Variants in GRIA1 observed in about 807,000 individuals in gnomAD.
GRIA1 encodes glutamate ionotropic receptor AMPA type subunit 1.
A neutral mutation model predicts 99.2 loss-of-function variants in GRIA1; 31 were observed. The observed-to-expected ratio is 0.31, with a 90% CI of 0.23 to 0.42. The LOEUF is 0.42. Among genes scored for constraint, GRIA1 ranks in the 10% least tolerant of loss-of-function variants. The pLI, the probability that GRIA1 is intolerant of heterozygous loss-of-function variation, is 1.00. For synonymous variants in GRIA1, 438 were observed against 432.4 expected (o/e 1.01, Z -0.16); for missense variants, 782 against 1,157.5 (o/e 0.68, Z 4.71).
intron 2 of GRIA1, among the ~76,000 whole-genome samples, chr5:153,586,106 C>G (rs554204923): frequency 4.7e-4 from 71 of 152,258 alleles, no homozygotes; most frequent in African/African-American, 1.7e-3. Context: ...ACAGTCCACT[C>G]TTGTGAGCCA....
At chr5:153,627,097 C>A (rs957725760) in intron 2 of GRIA1, among the ~76,000 whole-genome samples, 1 of 152,172 alleles carries the variant, frequency 6.6e-6, no homozygotes, top group African/African-American at 2.4e-5. Context: ...CTGAGAGGTA[C>A]AATTTTCCAC....
intron 11 of GRIA1, among the ~76,000 whole-genome samples, chr5:153,708,627 G>C (rs1237965905): frequency 6.6e-6 from 1 of 152,192 alleles, no homozygotes; most frequent in Non-Finnish European, 1.5e-5. Flanking sequence ...ATAACTGGAT[G>C]CTTTTTTTAT....
chr5:153,563,611 G>A (rs1761347610), intron 2 of GRIA1, among the ~76,000 whole-genome samples: 1 of 152,192 alleles, frequency 6.6e-6, no homozygotes. Flanking sequence ...CACTGACAGT[G>A]TATGCTTTCC....
chr5:153,652,663 G>C (rs568745217), intron 4 of GRIA1, among the ~76,000 whole-genome samples: 2 of 152,300 alleles, frequency 1.3e-5, no homozygotes, highest in Non-Finnish European at 2.9e-5. Flanking sequence ...TTAGATTGTA[G>C]CATATTGACA....
At chr5:153,607,929 A>G (rs985463047) in intron 2 of GRIA1, among the ~76,000 whole-genome samples, 1 of 152,110 alleles carries the variant, frequency 6.6e-6, no homozygotes, top group South Asian at 2.1e-4. Flanking sequence ...TGTGAATAAT[A>G]TCATTCTGTA....
intron 2 of GRIA1, among the ~76,000 whole-genome samples, chr5:153,630,774 A>C (rs1168207992): frequency 2.6e-5 from 4 of 152,176 alleles, no homozygotes; most frequent in Non-Finnish European, 5.9e-5. Context: ...TAATCATCCT[A>C]AAACCAACAG....
intron 11 of GRIA1, among the ~76,000 whole-genome samples, chr5:153,743,334 T>C (rs1024153905): frequency 3.3e-5 from 5 of 152,202 alleles, no homozygotes; most frequent in African/African-American, 9.6e-5. Flanking sequence ...CATGGTTCTA[T>C]AGGTCAGAAG....
chr5:153,641,059 C>T (rs763782266), intron 2 of GRIA1, among the ~76,000 whole-genome samples: 9 of 152,064 alleles, frequency 5.9e-5, no homozygotes, highest in Non-Finnish European at 1.3e-4. Flanking sequence ...GATGTTACAA[C>T]GTTAGAGTAA....
intron 2 of GRIA1, among the ~76,000 whole-genome samples, chr5:153,579,872 A>T (rs1171727129): frequency 6.8e-6 from 1 of 146,470 alleles, no homozygotes; most frequent in Non-Finnish European, 1.5e-5. Flanking sequence ...GGGCCTTGTG[A>T]AAAAACAAAA....
chr5:153,659,768 G>A (rs1755221453), intron 5 of GRIA1, among the ~76,000 whole-genome samples: 1 of 152,262 alleles, frequency 6.6e-6, no homozygotes, highest in East Asian at 1.9e-4. Context: ...TGGAATGAAA[G>A]CACATATTTT....
At chr5:153,606,127 T>A (rs1008870888) in intron 2 of GRIA1, among the ~76,000 whole-genome samples, 18 of 152,162 alleles carry the variant, frequency 1.2e-4, no homozygotes, top group African/African-American at 4.3e-4. Flanking sequence ...GGGTATAGTA[T>A]AGGGGTCTAG....
intron 10 of GRIA1, among the ~76,000 whole-genome samples, chr5:153,702,850 C>T (rs1758625805): frequency 6.6e-6 from 1 of 152,212 alleles, no homozygotes; most frequent in South Asian, 2.1e-4. Flanking sequence ...TTTGAATTAT[C>T]TTGACCCTCA....
intron 2 of GRIA1, among the ~76,000 whole-genome samples, chr5:153,533,469 C>T (rs1430643921): frequency 6.6e-6 from 1 of 151,984 alleles, no homozygotes; most frequent in African/African-American, 2.4e-5. Flanking sequence ...AGCCAGGAGG[C>T]TTTGGATGAA....
chr5:153,579,721 T>C (rs556758933), intron 2 of GRIA1, among the ~76,000 whole-genome samples: 7 of 152,272 alleles, frequency 4.6e-5, no homozygotes, highest in African/African-American at 1.7e-4. Context: ...AGTAGGAGTA[T>C]TCCAATTGGA....
chr5:153,701,641 A>AAAAAAAAAAAAAAAAAAAACAAAAAAAC (rs1758535003), intron 10 of GRIA1, among the ~76,000 whole-genome samples: 1 of 149,458 alleles, frequency 6.7e-6, no homozygotes, highest in Non-Finnish European at 1.5e-5. Context: ...AAAAAAAAAA[A>AAAAAAAAAAAAAAAAAAAACAAAAAAAC]ATACTATGTT....
chr5:153,811,045 G>A lies in GRIA1; in HGVS notation c.2541G>A (p.Gln847=). The A allele has an allele frequency of 6.2e-7, 1 of 1,614,100 alleles. No homozygotes were observed. The highest frequency in any genetic ancestry group is 8.5e-7 in the Non-Finnish European group (1 of 1,179,952). The part of the protein sequence containing the change: ...KRMKGFCLIP[Q]QSINEAIRTS... ...AAAAGGGTTTTTGTTTGATCCCACA[G>A]CAATCCATCAACGAAGCCATACGGA... is the stretch of plus-strand genomic sequence containing the variant. The change falls in exon 16 of 16, where the codon CAG becomes CAA. Residue 847 remains glutamine (Q), a synonymous_variant. Coordinates refer to ENST00000285900, the MANE Select transcript of GRIA1 (RefSeq NM_000827.4).
At chr5:153,715,117 C>T (rs773605131) in intron 11 of GRIA1, among the ~76,000 whole-genome samples, 2 of 152,164 alleles carry the variant, frequency 1.3e-5, no homozygotes, top group Non-Finnish European at 2.9e-5. Context: ...GAGTCACTTT[C>T]TCTCTGTGTG....
At chr5:153,641,007 C>T (rs539395218) in intron 2 of GRIA1, among the ~76,000 whole-genome samples, 166 of 152,154 alleles carry the variant, frequency 1.1e-3, no homozygotes, top group Non-Finnish European at 2.1e-3. Context: ...TGGACAGGCA[C>T]TCTTATTGTC....
chr5:153,764,661 T>G (rs1305454183), intron 12 of GRIA1, 29 bp downstream of exon 12: 4 of 1,490,646 alleles, frequency 2.7e-6, no homozygotes, highest in Admixed American at 3.4e-5. Flanking sequence ...CCAAGACACT[T>G]TCACAAAAGG....
Sources: allele counts gnomAD v4.1 joint callset (sites outside exome capture counted in the v4.1 genomes callset), GRCh38; gene constraint gnomAD v4.1.1; transcripts MANE v1.5; gene names NCBI Gene and HGNC (gene_info 2026-07-23, HGNC 2026-07-21).